Variants in SCHIP1 observed in about 807,000 individuals in gnomAD.
SCHIP1 encodes schwannomin-interacting protein 1.
In SCHIP1, 8 loss-of-function variants were observed where a neutral mutation model predicts 29.7. The ratio of observed to expected loss-of-function variants is 0.27; its 90% CI spans 0.16 to 0.49. The LOEUF (loss-of-function observed/expected upper bound fraction) is 0.49. SCHIP1 is among the 20% of genes least tolerant of loss of function. The probability of loss-of-function intolerance (pLI) is 0.99; values close to 1 mark genes in which losing one functional copy is unlikely to be tolerated. For synonymous variants in SCHIP1, 76 were observed against 94.9 expected, an observed-to-expected ratio of 0.80 and a Z score of 1.16; for missense variants, 193 against 294.6, an observed-to-expected ratio of 0.66 and a Z score of 2.52.
At chr3:159,828,410 TATATATACGTATATATATAC>T in the SCHIP1 span, among the ~76,000 whole-genome samples, 2 of 51,268 alleles carry the variant, frequency 3.9e-5, no homozygotes, top group African/African-American at 2.5e-4. Context: ...TATATATACG[TATATATACGTATATATATAC>T]GTATATATAC....
At chr3:159,491,412 T>C in the SCHIP1 span, among the ~76,000 whole-genome samples, 1 of 152,220 alleles carries the variant, frequency 6.6e-6, no homozygotes, top group African/African-American at 2.4e-5. Context: ...ACCCTAATAC[T>C]GCGCTTTTCC....
the SCHIP1 span, among the ~76,000 whole-genome samples, chr3:159,419,794 C>T: frequency 1.2e-4 from 19 of 152,094 alleles, no homozygotes; most frequent in African/African-American, 3.6e-4. Context: ...GGGCAGCAAA[C>T]GCTAAACTCC....
chr3:159,515,412 TG>T, the SCHIP1 span, among the ~76,000 whole-genome samples: 2 of 152,234 alleles, frequency 1.3e-5, no homozygotes, highest in Non-Finnish European at 2.9e-5. Context: ...AAAGTCAGCA[TG>T]GTCCTGTTGG....
chr3:159,325,456 G>T, the SCHIP1 span, among the ~76,000 whole-genome samples: 1 of 152,038 alleles, frequency 6.6e-6, no homozygotes, highest in Non-Finnish European at 1.5e-5. Flanking sequence ...CCCAGAAAAT[G>T]TTAAAACAAA....
the SCHIP1 span, among the ~76,000 whole-genome samples, chr3:159,694,584 GAAAGAAAGAAAGAAAGAAAGA>G: frequency 1.5e-4 from 22 of 148,824 alleles, no homozygotes; most frequent in Admixed American, 1.1e-3. Context: ...AAGAAAGAAA[GAAAGAAAGAAAGAAAGAAAGA>G]AAGGAATTAT....
At chr3:159,333,399 G>C in the SCHIP1 span, among the ~76,000 whole-genome samples, 1 of 152,108 alleles carries the variant, frequency 6.6e-6, no homozygotes, top group African/African-American at 2.4e-5. Flanking sequence ...TGTTTGCTAT[G>C]ATTATTATTC....
At chr3:159,327,504 G>A in the SCHIP1 span, among the ~76,000 whole-genome samples, 1 of 152,188 alleles carries the variant, frequency 6.6e-6, no homozygotes, top group Non-Finnish European at 1.5e-5. Context: ...TTTGGAGTTA[G>A]CAGGGTTTCT....
At chr3:159,552,950 A>G in the SCHIP1 span, among the ~76,000 whole-genome samples, 1 of 152,152 alleles carries the variant, frequency 6.6e-6, no homozygotes, top group African/African-American at 2.4e-5. Context: ...CCAGAATCAT[A>G]AATCTTTCTT....
At chr3:159,665,992 G>A in the SCHIP1 span, among the ~76,000 whole-genome samples, 2 of 152,160 alleles carry the variant, frequency 1.3e-5, no homozygotes. Context: ...AAAAGCTCTC[G>A]TTATCGCCTA....
chr3:159,349,225 T>C, the SCHIP1 span, among the ~76,000 whole-genome samples: 1 of 152,234 alleles, frequency 6.6e-6, no homozygotes, highest in African/African-American at 2.4e-5. Context: ...TTACCAGTGA[T>C]ATGAGACAGC....
At chr3:159,880,480 C>T (rs758746828) in intron 2 of SCHIP1, among the ~76,000 whole-genome samples, 2 of 152,172 alleles carry the variant, frequency 1.3e-5, no homozygotes, top group South Asian at 4.1e-4. Context: ...ACTTAATGAT[C>T]CAAGCACTTG....
chr3:159,466,066 GA>G, the SCHIP1 span, among the ~76,000 whole-genome samples: 3 of 152,026 alleles, frequency 2.0e-5, no homozygotes, highest in African/African-American at 7.2e-5. Context: ...TCTTTCAAAG[GA>G]GAACTATATC....
At chr3:159,374,115 A>C in the SCHIP1 span, among the ~76,000 whole-genome samples, 2 of 152,148 alleles carry the variant, frequency 1.3e-5, no homozygotes, top group African/African-American at 4.8e-5. Flanking sequence ...AGCTTTACAC[A>C]TTTTTAAAAA....
chr3:159,432,208 G>A, the SCHIP1 span, among the ~76,000 whole-genome samples: 1 of 151,738 alleles, frequency 6.6e-6, no homozygotes, highest in African/African-American at 2.4e-5. Context: ...GGAGGCCTTA[G>A]GAACTCTGCA....
chr3:159,764,257 G>A, the SCHIP1 span: 2 of 585,256 alleles, frequency 3.4e-6, no homozygotes, highest in Non-Finnish European at 5.7e-6. The surrounding 1 kb of genome is among the most constrained non-coding windows in gnomAD (Gnocchi z 6.1). Flanking sequence ...GGTTGTGCGA[G>A]AGGAAAGGCG....
At chr3:159,733,153 C>T in the SCHIP1 span, among the ~76,000 whole-genome samples, 1 of 152,164 alleles carries the variant, frequency 6.6e-6, no homozygotes, top group Non-Finnish European at 1.5e-5. Context: ...CATCTTTCTT[C>T]CAGCAAAGGG....
the SCHIP1 span, among the ~76,000 whole-genome samples, chr3:159,464,001 A>G: frequency 3.9e-5 from 6 of 152,138 alleles, no homozygotes; most frequent in South Asian, 2.1e-4. Flanking sequence ...ATATTTTGCT[A>G]TTATAAACAA....
chr3:159,487,699 G>A, the SCHIP1 span, among the ~76,000 whole-genome samples: 1 of 152,170 alleles, frequency 6.6e-6, no homozygotes, highest in African/African-American at 2.4e-5. Flanking sequence ...AGGCCTGTGT[G>A]ATAGAAGCCC....
chr3:159,584,417 T>A, the SCHIP1 span, among the ~76,000 whole-genome samples: 1 of 152,186 alleles, frequency 6.6e-6, no homozygotes. Flanking sequence ...TTTGTGTTTG[T>A]AACAAAGTAC....
Sources: allele counts gnomAD v4.1 joint callset (sites outside exome capture counted in the v4.1 genomes callset), GRCh38; gene constraint gnomAD v4.1.1; non-coding constraint Gnocchi (gnomAD v3.1); transcripts MANE v1.5; gene names NCBI Gene and HGNC (gene_info 2026-07-23, HGNC 2026-07-21).